The following MCTP2 variants were observed in gnomAD, a reference collection of about 807,000 sequenced individuals.
MCTP2 encodes multiple C2 and transmembrane domain containing 2, also known as multiple C2 and transmembrane domain-containing protein 2.
A neutral mutation model predicts 111.6 loss-of-function variants in MCTP2; 132 were observed. The ratio of observed to expected loss-of-function variants is 1.18; its 90% CI spans 1.03 to 1.37. The LOEUF (loss-of-function observed/expected upper bound fraction) is 1.37, where lower values mean the gene tolerates loss of function less well. Ranked by LOEUF, MCTP2 falls within the 40% of genes most tolerant of loss-of-function variation. MCTP2 has a pLI of 0.00. For synonymous variants in MCTP2, 395 were observed against 387.7 expected, an observed-to-expected ratio of 1.02 and a Z score of -0.22; for missense variants, 1,183 against 1,067.9, an observed-to-expected ratio of 1.11 and a Z score of -1.50.
intron 2 of MCTP2, among the ~76,000 whole-genome samples, chr15:94,305,227 C>G (rs1014760347): frequency 2.0e-5 from 3 of 152,174 alleles, no homozygotes; most frequent in Non-Finnish European, 4.4e-5. Context: ...CCAGAGGTCT[C>G]TCATTCCCCA....
intron 1 of MCTP2, among the ~76,000 whole-genome samples, chr15:94,256,555 A>T (rs2072784436): frequency 6.6e-6 from 1 of 152,202 alleles, no homozygotes; most frequent in Non-Finnish European, 1.5e-5. Context: ...ACTTTGCATG[A>T]TGTTGTTTAA....
chr15:94,354,994 A>G (rs1427402331), intron 8 of MCTP2, among the ~76,000 whole-genome samples: 1 of 152,202 alleles, frequency 6.6e-6, no homozygotes, highest in African/African-American at 2.4e-5. Flanking sequence ...TTTCTCCTTC[A>G]ATAAAGAAGC....
At chr15:94,291,492 C>G (rs1229510718) in intron 1 of MCTP2, among the ~76,000 whole-genome samples, 2 of 151,814 alleles carry the variant, frequency 1.3e-5, no homozygotes, top group African/African-American at 4.8e-5. Flanking sequence ...TCCCAGCTAT[C>G]TGGGAGGCTG....
chr15:94,239,990 G>A (rs139742849), intron 1 of MCTP2, among the ~76,000 whole-genome samples: 1 of 152,150 alleles, frequency 6.6e-6, no homozygotes, highest in Non-Finnish European at 1.5e-5. Flanking sequence ...TTGTCACTAT[G>A]AGCCCAAGAT....
At chr15:94,475,080 G>A (rs553202016) in intron 21 of MCTP2, among the ~76,000 whole-genome samples, 5 of 152,068 alleles carry the variant, frequency 3.3e-5, no homozygotes, top group Non-Finnish European at 5.9e-5. Context: ...TTCTCAATAC[G>A]TCTTTGTCTC....
At chr15:94,281,342 G>A (rs1221471154) in intron 1 of MCTP2, among the ~76,000 whole-genome samples, 1 of 151,952 alleles carries the variant, frequency 6.6e-6, no homozygotes. Context: ...CTTGATTATT[G>A]TTAGTGCACT....
chr15:94,419,927 A>G (rs142626668), intron 17 of MCTP2, among the ~76,000 whole-genome samples: 128 of 152,270 alleles, frequency 8.4e-4, no homozygotes, highest in Non-Finnish European at 1.5e-3. Flanking sequence ...CTTCTGTTGG[A>G]AGAAGATGCC....
chr15:94,305,846 G>A (rs1369295170), intron 2 of MCTP2, among the ~76,000 whole-genome samples: 4 of 152,162 alleles, frequency 2.6e-5, no homozygotes, highest in Non-Finnish European at 4.4e-5. Flanking sequence ...AAGGGAACTC[G>A]GAGGGAGAGG....
At chr15:94,327,974 A>G (rs1221799735) in intron 4 of MCTP2, among the ~76,000 whole-genome samples, 1 of 152,132 alleles carries the variant, frequency 6.6e-6, no homozygotes, top group Non-Finnish European at 1.5e-5. Flanking sequence ...AATACCTTGG[A>G]GCAAAATTGG....
chr15:94,370,069 C>T lies in MCTP2; in HGVS notation c.1489-18C>T, dbSNP rs748973822. ...ATTAAAAAGCTGTTTTCACTTGTAT[C>T]ACCTTTTCAACCCTCAGTGCTTACA... On this transcript the variant is annotated intron_variant, in intron 11 of 22. Transcript: ENST00000357742. 32 of 1,586,778 alleles carry T rather than the reference C, an allele frequency of 2.0e-5. No homozygotes were observed. The highest frequency in any genetic ancestry group is 2.7e-5 in the African/African-American group (2 of 73,388).
At chr15:94,273,241 A>G (rs1245210490) in intron 1 of MCTP2, among the ~76,000 whole-genome samples, 1 of 152,206 alleles carries the variant, frequency 6.6e-6, no homozygotes, top group Non-Finnish European at 1.5e-5. Flanking sequence ...AACACCTTTC[A>G]CTAAATGGCA....
intron 4 of MCTP2, among the ~76,000 whole-genome samples, chr15:94,334,390 T>C (rs566107478): frequency 1.3e-5 from 2 of 152,364 alleles, no homozygotes; most frequent in East Asian, 3.9e-4. Flanking sequence ...ACCAGGCATA[T>C]TAGGCACCTC....
intron 4 of MCTP2, among the ~76,000 whole-genome samples, chr15:94,330,006 T>C (rs867057662): frequency 6.6e-5 from 10 of 152,312 alleles, no homozygotes; most frequent in South Asian, 2.1e-4. Flanking sequence ...TTTTTGTTTG[T>C]GTGTATTTGA....
intron 2 of MCTP2, among the ~76,000 whole-genome samples, chr15:94,302,633 G>T (rs1235096083): frequency 6.6e-6 from 1 of 152,130 alleles, no homozygotes; most frequent in African/African-American, 2.4e-5. Flanking sequence ...ACCTGGTTTC[G>T]ACTTGTTTTG....
At chr15:94,450,205 T>C (rs574430363) in intron 19 of MCTP2, among the ~76,000 whole-genome samples, 1 of 152,328 alleles carries the variant, frequency 6.6e-6, no homozygotes, top group Non-Finnish European at 1.5e-5. Context: ...ATGATATTGA[T>C]TCAAAATCCA....
chr15:94,301,227 T>G (rs1363429396), intron 2 of MCTP2, among the ~76,000 whole-genome samples: 2 of 152,182 alleles, frequency 1.3e-5, no homozygotes, highest in Non-Finnish European at 2.9e-5. Flanking sequence ...GTGCCGTTGC[T>G]TTGCTGGGTG....
intron 9 of MCTP2, among the ~76,000 whole-genome samples, chr15:94,357,036 G>A (rs2078663368): frequency 6.6e-6 from 1 of 151,916 alleles, no homozygotes; most frequent in African/African-American, 2.4e-5. Flanking sequence ...TAAATCACTT[G>A]CCAAAAGCCA....
chr15:94,410,011 TC>T (rs2082085090), intron 17 of MCTP2, among the ~76,000 whole-genome samples: 1 of 151,702 alleles, frequency 6.6e-6, no homozygotes, highest in Non-Finnish European at 1.5e-5. Context: ...TCTTCTATCA[TC>T]CTCCCTTATA....
In MCTP2 at chr15:94,476,743, A is replaced by C; in HGVS notation, c.2518A>C (p.Asn840His). The change falls in exon 22 of 23, where the codon AAT (asparagine) becomes CAT (histidine). Residue 840 changes from asparagine (N) to histidine (H), a missense_variant. Physicochemically the swap from Asn to His is moderately conservative, Grantham distance 68. Transcript: ENST00000357742. ...KKLRNPYSID[N>H]NELLDFLSRV... ...GCTTCGAAATCCCTATTCCATCGACAATAATGAGCTACTAGACTTCCTCTC... is the reference window on the plus strand; with the variant it reads ...GCTTCGAAATCCCTATTCCATCGACCATAATGAGCTACTAGACTTCCTCTC... 6.2e-7 allele frequency: 1 copy of C among 1,610,480 alleles called. No homozygotes were observed. The highest frequency in any genetic ancestry group is 1.1e-5 in the South Asian group (1 of 90,990).
Sources: gnomAD v4.1 joint callset for allele counts (sites outside exome capture counted in the v4.1 genomes callset) on GRCh38, gnomAD v4.1.1 for gene constraint, MANE v1.5 for transcripts, NCBI Gene and HGNC (gene_info 2026-07-23, HGNC 2026-07-21) for gene names.